DLG2: variants seen among roughly 807,000 people sequenced by gnomAD.
DLG2 encodes the protein discs large MAGUK scaffold protein 2, also known as disks large homolog 2.
A neutral mutation model predicts 132.5 loss-of-function variants in DLG2; 45 were observed. That is an observed-to-expected ratio of 0.34 (90% CI 0.27 to 0.44). DLG2 has a LOEUF of 0.44. Among genes scored for constraint, DLG2 ranks in the 20% least tolerant of loss-of-function variants. DLG2 has a pLI of 1.00. For missense variants in DLG2, 1,045 were observed against 1,196.9 expected (o/e 0.87, Z 1.87); for synonymous variants, 424 against 419.6 (o/e 1.01, Z -0.13).
intron 4 of DLG2, among the ~76,000 whole-genome samples, chr11:85,255,675 T>C (rs1011030749): frequency 4.6e-5 from 7 of 152,226 alleles, no homozygotes; most frequent in Non-Finnish European, 8.8e-5. Flanking sequence ...ATATCTCTTA[T>C]GCTTCTATAT....
At chr11:84,872,762 A>C (rs2085674720) in intron 6 of DLG2, among the ~76,000 whole-genome samples, 1 of 152,202 alleles carries the variant, frequency 6.6e-6, no homozygotes, top group Non-Finnish European at 1.5e-5. Flanking sequence ...TTCACAAGGT[A>C]ATTTCTATTA....
chr11:84,850,243 T>G (rs940294797), intron 6 of DLG2, among the ~76,000 whole-genome samples: 2 of 152,090 alleles, frequency 1.3e-5, no homozygotes, highest in African/African-American at 4.8e-5. Context: ...ACCTAGCCCT[T>G]AAAAATTTGC....
At chr11:84,412,193 T>G (rs2098909440) in intron 7 of DLG2, among the ~76,000 whole-genome samples, 1 of 151,798 alleles carries the variant, frequency 6.6e-6, no homozygotes. Context: ...ATTGAAACTC[T>G]ACTATGCATG....
chr11:83,617,635 CAGTAGTGATAGAAGGGTAG>C (rs2061022206), intron 19 of DLG2, among the ~76,000 whole-genome samples: 1 of 152,074 alleles, frequency 6.6e-6, no homozygotes, highest in Non-Finnish European at 1.5e-5. Context: ...CCCTTAATAG[CAGTAGTGATAGAAGGGTAG>C]AGTAGTGATA....
chr11:84,819,179 T>C (rs2077410400), intron 6 of DLG2, among the ~76,000 whole-genome samples: 1 of 151,488 alleles, frequency 6.6e-6, no homozygotes, highest in Non-Finnish European at 1.5e-5. Context: ...AAAGATCAAC[T>C]TGCTGTAAGT....
intron 4 of DLG2, among the ~76,000 whole-genome samples, chr11:85,255,907 T>A (rs1381218301): frequency 6.6e-6 from 1 of 152,196 alleles, no homozygotes; most frequent in Non-Finnish European, 1.5e-5. Context: ...AACCAAGATG[T>A]CCTGTAATCG....
chr11:85,549,014 C>T (rs558377648), intron 3 of DLG2, among the ~76,000 whole-genome samples: 2 of 151,994 alleles, frequency 1.3e-5, no homozygotes, highest in African/African-American at 2.4e-5. Context: ...GTCTCAGTGG[C>T]GTTCTGAGCA....
Position 85,550,480 on chromosome 11 carries a change from G to T in DLG2, c.40+48177C>A, listed in dbSNP as rs145484093. Among the ~76,000 whole-genome samples, 805 of 152,340 alleles carry T rather than the reference G, an allele frequency of 5.3e-3. 8 individuals carry two copies. Among genetic ancestry groups the T allele is most frequent in the African/African-American group, 0.018 (748 of 41,570 alleles). On this transcript the variant is annotated intron_variant, in intron 3 of 27. Transcript: ENST00000376104. ...TCCTGCAAGGGGTGGAATGCAGCAG[G>T]TCCAAGTGAGTGGGGTTTGATCCCC...
At chr11:83,918,203 G>A (rs962866994) in intron 15 of DLG2, among the ~76,000 whole-genome samples, 1 of 152,144 alleles carries the variant, frequency 6.6e-6, no homozygotes. Flanking sequence ...ACATTAGGGG[G>A]CCTTTTACAG....
At chr11:84,589,688 T>C (rs1339894183) in intron 6 of DLG2, among the ~76,000 whole-genome samples, 1 of 152,210 alleles carries the variant, frequency 6.6e-6, no homozygotes, top group African/African-American at 2.4e-5. Context: ...TATAATTATA[T>C]ATTTACCTGT....
chr11:83,996,735 T>C (rs2094048143), intron 11 of DLG2, among the ~76,000 whole-genome samples: 1 of 152,134 alleles, frequency 6.6e-6, no homozygotes, highest in African/African-American at 2.4e-5. Flanking sequence ...AAACATCTCA[T>C]GTTCTCACTT....
chr11:85,157,317 A>C (rs1247300928), intron 4 of DLG2, among the ~76,000 whole-genome samples: 1 of 152,188 alleles, frequency 6.6e-6, no homozygotes, highest in African/African-American at 2.4e-5. Context: ...TTAAGGATGA[A>C]GTCCTTTCAT....
chr11:85,353,760 T>C (rs1031227205), intron 3 of DLG2, among the ~76,000 whole-genome samples: 4 of 152,150 alleles, frequency 2.6e-5, no homozygotes, highest in Non-Finnish European at 5.9e-5. Context: ...ACACTGCATG[T>C]TCTCACTCAT....
intron 6 of DLG2, among the ~76,000 whole-genome samples, chr11:84,783,279 C>G (rs930721856): frequency 1.3e-5 from 2 of 152,128 alleles, no homozygotes; most frequent in South Asian, 4.1e-4. Flanking sequence ...CCTATCACGG[C>G]CTTAGTTTTC....
At chr11:83,843,152 C>T (rs924103498) in intron 16 of DLG2, among the ~76,000 whole-genome samples, 2 of 152,208 alleles carry the variant, frequency 1.3e-5, no homozygotes, top group African/African-American at 4.8e-5. Context: ...CACCACTTAA[C>T]TTCATTGTGC....
In DLG2 at chr11:83,614,682, T is replaced by A. The variant is rs148977401; in HGVS notation, c.1940+18529A>T. On this transcript the variant is annotated intron_variant, in intron 19 of 27. Coordinates refer to ENST00000376104, the MANE Select transcript of DLG2 (RefSeq NM_001142699.3). ...CTGCAGTGAGCCGTGATCACACCAC[T>A]GCACTCCAGCCTGGGCAACAGAGCA... Among the ~76,000 whole-genome samples, 36 of 152,238 alleles carry A rather than the reference T, an allele frequency of 2.4e-4. No individual in the cohort carries two copies. The East Asian group carries it at 6.4e-3, about 27-fold the overall frequency.
intron 6 of DLG2, among the ~76,000 whole-genome samples, chr11:84,588,749 A>G (rs545157386): frequency 6.6e-6 from 1 of 151,970 alleles, no homozygotes; most frequent in South Asian, 2.1e-4. Context: ...AAACCCATCA[A>G]AACCAAGATG....
At chr11:85,067,080 A>G (rs1181527179) in intron 6 of DLG2, among the ~76,000 whole-genome samples, 2 of 151,708 alleles carry the variant, frequency 1.3e-5, no homozygotes. Flanking sequence ...CTACATTAAA[A>G]AGACCTGCAC....
intron 4 of DLG2, among the ~76,000 whole-genome samples, chr11:85,275,656 A>G (rs550457364): frequency 6.6e-6 from 1 of 152,228 alleles, no homozygotes; most frequent in East Asian, 1.9e-4. Flanking sequence ...TCTGCCCTGT[A>G]TAGAAAAAAA....
Sources: gnomAD v4.1 joint callset for allele counts (sites outside exome capture counted in the v4.1 genomes callset) on GRCh38, gnomAD v4.1.1 for gene constraint, MANE v1.5 for transcripts, NCBI Gene and HGNC (gene_info 2026-07-23, HGNC 2026-07-21) for gene names.